STK32B: variants seen among roughly 807,000 people sequenced by gnomAD.
The protein encoded by STK32B is serine/threonine-protein kinase 32B.
STK32B carries 43 observed loss-of-function variants against 52.6 expected under a neutral mutation model. The observed-to-expected ratio is 0.82, with a 90% CI of 0.64 to 1.05. The LOEUF (loss-of-function observed/expected upper bound fraction) is 1.05, where lower values mean the gene tolerates loss of function less well. Among genes scored for constraint, STK32B ranks in the 50% least tolerant of loss-of-function variants. The pLI, the probability that STK32B is intolerant of heterozygous loss-of-function variation, is 0.00. For missense variants in STK32B, 621 were observed against 534.6 expected (o/e 1.16, Z -1.59); for synonymous variants, 238 against 204.3 (o/e 1.17, Z -1.41).
chr4:5,136,097 T>G (rs1054061519), intron 1 of STK32B, among the ~76,000 whole-genome samples: 1 of 152,200 alleles, frequency 6.6e-6, no homozygotes, highest in Admixed American at 6.5e-5. Flanking sequence ...AAAACGCCAC[T>G]GGATTTGATC....
At chr4:5,480,502 A>G (rs1378370410) in intron 11 of STK32B, among the ~76,000 whole-genome samples, 5 of 152,180 alleles carry the variant, frequency 3.3e-5, no homozygotes, top group African/African-American at 9.7e-5. Context: ...CTGGTTAACA[A>G]TTAGTTGAGT....
chr4:5,383,571 G>A (rs1736063363), intron 4 of STK32B, among the ~76,000 whole-genome samples: 1 of 152,216 alleles, frequency 6.6e-6, no homozygotes, highest in South Asian at 2.1e-4. Flanking sequence ...AGGAGGCATT[G>A]GAACTGCACA....
Position 5,368,643 on chromosome 4 carries a change from C to CGAG in STK32B, c.435-29564_435-29563insGAG, listed in dbSNP as rs1735029880. ...TAGCCTTGGTGGTCGATGGCCTCATCTCTCATGAGTCATGAGTGAGTTCTT... is the reference window on the plus strand; with the variant it reads ...TAGCCTTGGTGGTCGATGGCCTCATCGAGTCTCATGAGTCATGAGTGAGTTCTT... On this transcript the variant is annotated intron_variant, in intron 4 of 11. Coordinates refer to ENST00000282908, the MANE Select transcript of STK32B (RefSeq NM_018401.3). Among the ~76,000 whole-genome samples the CGAG allele has an allele frequency of 2.0e-5, 3 of 152,306 alleles. No homozygotes were observed. In the South Asian group the frequency reaches 6.2e-4, roughly 32 times the overall value.
intron 3 of STK32B, among the ~76,000 whole-genome samples, chr4:5,300,196 A>G (rs1729465550): frequency 6.6e-6 from 1 of 152,214 alleles, no homozygotes; most frequent in Non-Finnish European, 1.5e-5. Context: ...GATCATCTCA[A>G]TAGATGCAGA....
At chr4:5,173,100 G>A (rs1719525942) in intron 3 of STK32B, among the ~76,000 whole-genome samples, 1 of 152,168 alleles carries the variant, frequency 6.6e-6, no homozygotes, top group Non-Finnish European at 1.5e-5. Flanking sequence ...TTTGCGTAGA[G>A]GTGTTGATAG....
intron 1 of STK32B, among the ~76,000 whole-genome samples, chr4:5,132,961 G>A (rs950831243): frequency 6.6e-6 from 1 of 152,072 alleles, no homozygotes; most frequent in Non-Finnish European, 1.5e-5. Context: ...ACCACTCCTG[G>A]CTAATTTTTG....
At position 5,276,218 on chromosome 4, in the gene STK32B, G is replaced by A. The variant is rs148782688; in HGVS notation, c.261-55002G>A. Among the ~76,000 whole-genome samples, 531 of 152,156 alleles carry A rather than the reference G, an allele frequency of 3.5e-3. 1 individual carries two copies. The highest frequency in any genetic ancestry group is 0.011 in the African/African-American group (475 of 41,506). On this transcript the variant is annotated intron_variant, in intron 3 of 11. Transcript: ENST00000282908. ...GCAGGAGAATCACTTGAACCCAGGA[G>A]GCAGAGGTTTCAGTGAGCCAAGATT...
intron 3 of STK32B, among the ~76,000 whole-genome samples, chr4:5,237,518 G>T (rs1724713929): frequency 6.6e-6 from 1 of 152,174 alleles, no homozygotes; most frequent in South Asian, 2.1e-4. Flanking sequence ...TTATTGTTGG[G>T]AAATAAAGAA....
At chr4:5,280,640 A>G (rs1024874818) in intron 3 of STK32B, among the ~76,000 whole-genome samples, 58 of 152,258 alleles carry the variant, frequency 3.8e-4, no homozygotes, top group African/African-American at 1.3e-3. Context: ...TATGCCTGTA[A>G]TTCTAGCACT....
At chr4:5,032,476 C>CAAAAAAAAAAAA in the STK32B span, among the ~76,000 whole-genome samples, 19 of 49,702 alleles carry the variant, frequency 3.8e-4, no homozygotes, top group Admixed American at 5.8e-4. Context: ...GACTCCATCT[C>CAAAAAAAAAAAA]AAAAAAAAAA....
chr4:5,426,155 C>G (rs1485028602), intron 6 of STK32B, among the ~76,000 whole-genome samples: 1 of 152,076 alleles, frequency 6.6e-6, no homozygotes, highest in Non-Finnish European at 1.5e-5. Flanking sequence ...AAGAAACTGC[C>G]AAACTGGTTT....
intron 3 of STK32B, among the ~76,000 whole-genome samples, chr4:5,233,660 T>C (rs532936873): frequency 1.1e-3 from 160 of 150,252 alleles, no homozygotes; most frequent in African/African-American, 3.6e-3. Flanking sequence ...AAGTTATTAC[T>C]GGGGATGGGG....
chr4:5,457,212 CTTTTT>C (rs1230307057), intron 8 of STK32B, among the ~76,000 whole-genome samples: 17 of 114,978 alleles, frequency 1.5e-4, no homozygotes, highest in African/African-American at 5.3e-4. Context: ...TTTTTTTTTT[CTTTTT>C]TTTTTTTTTT....
upstream of STK32B, chr4:5,051,458 T>A: frequency 4.4e-6 from 1 of 227,148 alleles, no homozygotes. Context: ...GCTGCCTTCG[T>A]CCGTCCCCTC....
At chr4:5,128,717 C>T (rs1226257798) in intron 1 of STK32B, among the ~76,000 whole-genome samples, 4 of 152,198 alleles carry the variant, frequency 2.6e-5, no homozygotes, top group Non-Finnish European at 5.9e-5. Context: ...GGAAAAGTCT[C>T]TTCTGAACAA....
Position 5,129,525 on chromosome 4 carries a change from C to A in STK32B, c.53-10380C>A, listed in dbSNP as rs201437331. ...TCTGGTAGGATGAAACTTTTCTCTT[C>A]AAAACTTATTTGGCAGAACATTTGA... On this transcript the variant is annotated intron_variant, in intron 1 of 11. Transcript: ENST00000282908. Among the ~76,000 whole-genome samples, 10 of 152,324 alleles carry A rather than the reference C, an allele frequency of 6.6e-5. No homozygotes were observed. In the East Asian group the frequency reaches 1.9e-3, roughly 29 times the overall value.
At chr4:5,063,965 C>T (rs1577043677) in intron 1 of STK32B, among the ~76,000 whole-genome samples, 1 of 151,970 alleles carries the variant, frequency 6.6e-6, no homozygotes, top group Admixed American at 6.6e-5. Context: ...TATGAAGTTC[C>T]TGTTCATAAC....
At chr4:5,154,538 A>G (rs1389948126) in intron 2 of STK32B, among the ~76,000 whole-genome samples, 1 of 152,194 alleles carries the variant, frequency 6.6e-6, no homozygotes. Flanking sequence ...TCTTGAAGCC[A>G]GCATGGCTAG....
intron 1 of STK32B, among the ~76,000 whole-genome samples, chr4:5,139,198 A>T (rs555945257): frequency 6.6e-6 from 1 of 152,254 alleles, no homozygotes; most frequent in South Asian, 2.1e-4. Context: ...GGGTAAGGGG[A>T]GAAAGGAGTC....
Sources: allele counts gnomAD v4.1 joint callset (sites outside exome capture counted in the v4.1 genomes callset), GRCh38; gene constraint gnomAD v4.1.1; transcripts MANE v1.5; gene names NCBI Gene and HGNC (gene_info 2026-07-23, HGNC 2026-07-21).